Variants in COL11A1 observed in about 807,000 individuals in gnomAD.
COL11A1 encodes the protein collagen type XI alpha 1 chain, also known as collagen alpha-1(XI) chain.
In COL11A1, 74 loss-of-function variants were observed where a neutral mutation model predicts 265.2. The ratio of observed to expected loss-of-function variants is 0.28; its 90% confidence interval spans 0.23 to 0.34. The LOEUF is 0.34. COL11A1 is among the 10% of genes least tolerant of loss of function. The probability of loss-of-function intolerance (pLI) is 1.00; values close to 1 mark genes in which losing one functional copy is unlikely to be tolerated. For missense variants in COL11A1, 2,165 were observed against 2,263.6 expected (o/e 0.96, Z 0.88); for synonymous variants, 816 against 727.6 (o/e 1.12, Z -1.96).
chr1:103,082,880 A>G lies in COL11A1; in HGVS notation c.199T>C (p.Ser67Pro). Residue 67 changes from serine to proline, a missense_variant, in exon 2 of 67, where the codon TCT becomes CCT. Coordinates refer to ENST00000370096, the MANE Select transcript of COL11A1 (RefSeq NM_001854.4). Reference sequence around the variant, plus strand: ...CTGTAAGCAGTATCTGAGCCTTTAGAATTCTTTCTGTTTGTGCAAAATCCC... The same window carrying G: ...CTGTAAGCAGTATCTGAGCCTTTAGGATTCTTTCTGTTTGTGCAAAATCCC... ...TTGFCTNRKNSKGSDTAYRVS... is the reference protein window; with the variant it reads ...TTGFCTNRKNPKGSDTAYRVS... 6.2e-7 allele frequency: 1 copy of G among 1,613,712 alleles called. No homozygotes were observed. Among genetic ancestry groups the G allele is most frequent in the Non-Finnish European group, 8.5e-7 (1 of 1,179,734 alleles).
chr1:102,950,327 T>A (rs1659754327), intron 41 of COL11A1, among the ~76,000 whole-genome samples: 1 of 151,888 alleles, frequency 6.6e-6, no homozygotes, highest in Non-Finnish European at 1.5e-5. Context: ...TGTTTATAAG[T>A]TTATTTGTAA....
intron 4 of COL11A1, among the ~76,000 whole-genome samples, chr1:103,043,125 T>C (rs542828521): frequency 1.3e-3 from 185 of 146,342 alleles, no homozygotes; most frequent in South Asian, 2.5e-3. Flanking sequence ...AAATACATCA[T>C]ATATATGAAA....
chr1:102,974,014 T>C (rs996150293), intron 36 of COL11A1, among the ~76,000 whole-genome samples: 4 of 152,164 alleles, frequency 2.6e-5, no homozygotes, highest in African/African-American at 9.7e-5. Context: ...AAATATAGAC[T>C]TGGCCCCTGC....
chr1:102,898,270 C>A, intron 56 of COL11A1, 92 bp from the exon 57 acceptor site: 1 of 571,088 alleles, frequency 1.8e-6, no homozygotes, highest in Non-Finnish European at 2.5e-6. Flanking sequence ...AATAAGAAAA[C>A]AAAGGAAATA....
At chr1:103,099,348 C>A (rs1311489544) in intron 1 of COL11A1, among the ~76,000 whole-genome samples, 1 of 151,274 alleles carries the variant, frequency 6.6e-6, no homozygotes. Context: ...TTCCAATATA[C>A]ATAAAACATA....
At chr1:103,021,532 T>C (rs966065299) in intron 9 of COL11A1, among the ~76,000 whole-genome samples, 175 bp downstream of exon 9, 1 of 152,220 alleles carries the variant, frequency 6.6e-6, no homozygotes, top group Non-Finnish European at 1.5e-5. Flanking sequence ...TTTTGTTTTA[T>C]TGAAATTCTC....
At chr1:102,977,562 A>C (rs1200540407) in intron 35 of COL11A1, among the ~76,000 whole-genome samples, 3 of 152,160 alleles carry the variant, frequency 2.0e-5, no homozygotes, top group South Asian at 2.1e-4. Flanking sequence ...AACCAAATGC[A>C]TGAGAGAATC....
At chr1:103,096,970 G>T (rs1303844336) in intron 1 of COL11A1, among the ~76,000 whole-genome samples, 2 of 151,826 alleles carry the variant, frequency 1.3e-5, no homozygotes, top group African/African-American at 2.4e-5. Context: ...TATATATTTT[G>T]CAAGACTACA....
chr1:103,042,604 G>A (rs1315549256), intron 4 of COL11A1, among the ~76,000 whole-genome samples: 1 of 152,036 alleles, frequency 6.6e-6, no homozygotes, highest in Admixed American at 6.6e-5. Flanking sequence ...GAAAAAGGTT[G>A]GCATTGTTTA....
intron 66 of COL11A1, among the ~76,000 whole-genome samples, chr1:102,878,960 A>G (rs1482619920): frequency 6.6e-6 from 1 of 152,162 alleles, no homozygotes; most frequent in African/African-American, 2.4e-5. Context: ...TTTTATGAAT[A>G]TTTAACAATA....
chr1:103,023,046 TAA>T lies in COL11A1; in HGVS notation c.991-52_991-51del, dbSNP rs111390852. On this transcript the variant is annotated intron_variant, in intron 7 of 66. Transcript: ENST00000370096. Reference sequence around the variant, plus strand: ...TGAGGAACATGAAGTTTATTGTTAGTAAAGCAAGGTAAGCATTTAAATTACAA... The same window carrying T: ...TGAGGAACATGAAGTTTATTGTTAGTAGCAAGGTAAGCATTTAAATTACAA... 37,584 of 1,576,048 alleles carry T rather than the reference TAA, an allele frequency of 0.024. 753 individuals are homozygous for T. Among genetic ancestry groups the T allele is most frequent in the African/African-American group, 0.1 (7,434 of 74,348 alleles).
chr1:102,975,568 C>T (rs971335376), intron 35 of COL11A1, among the ~76,000 whole-genome samples: 3 of 151,978 alleles, frequency 2.0e-5, no homozygotes, highest in East Asian at 1.9e-4. Flanking sequence ...CTATATTATT[C>T]ATCTCTCAAA....
At chr1:102,904,544 C>A (rs1248830286) in intron 54 of COL11A1, among the ~76,000 whole-genome samples, 2 of 151,770 alleles carry the variant, frequency 1.3e-5, no homozygotes, top group Non-Finnish European at 2.9e-5. Flanking sequence ...AACAAACAAC[C>A]CCATCAAAAA....
chr1:103,050,790 C>A (rs1053543126), intron 4 of COL11A1, among the ~76,000 whole-genome samples: 8 of 152,138 alleles, frequency 5.3e-5, no homozygotes, highest in Non-Finnish European at 2.9e-5. Flanking sequence ...GTGTGGATGT[C>A]CTTCCTGTTT....
rs1654762457 is a variant in COL11A1, at chr1:102,912,170, G to C, written c.4075C>G (p.Pro1359Ala). The part of the protein sequence containing the change: ...PSGEAGPPGP[P>A]GKRGPPGAAG... The stretch of plus-strand genomic sequence containing the variant: ...TTAAAGAAACTTACTCGTTTTCCAG[G>C]AGGACCTGGTGGGCCAGCCTCACCA... Residue 1359 changes from proline to alanine, a missense_variant, in exon 54 of 67, where the codon CCT becomes GCT. Transcript: ENST00000370096. 1.9e-6 allele frequency: 3 copies of C among 1,611,112 alleles called. No homozygotes were observed. The South Asian group carries it at 3.3e-5, about 18-fold the overall frequency.
intron 3 of COL11A1, among the ~76,000 whole-genome samples, chr1:103,078,134 C>T (rs2102299691): frequency 6.6e-6 from 1 of 152,128 alleles, no homozygotes; most frequent in East Asian, 1.9e-4. Flanking sequence ...TGCTTACGAC[C>T]TCCTACAATG....
At chr1:103,079,309 G>T (rs1672220715) in intron 2 of COL11A1, among the ~76,000 whole-genome samples, 1 of 152,032 alleles carries the variant, frequency 6.6e-6, no homozygotes, top group Admixed American at 6.6e-5. Flanking sequence ...TCTTTCTGTT[G>T]TTTCTTTAAA....
rs557003706 is a variant in COL11A1, at chr1:103,073,802, G to A, written c.651+816C>T. The stretch of plus-strand genomic sequence containing the variant: ...TGTCTGTATGTTTGTATATATATAT[G>A]TGTGTGTACACATCTGTGTATGTAT... On this transcript the variant is annotated intron_variant, in intron 4 of 66. Transcript: ENST00000370096. Among the ~76,000 whole-genome samples the A allele has an allele frequency of 2.6e-5, 4 of 151,952 alleles. No homozygotes were observed. In the South Asian group the frequency reaches 6.2e-4, roughly 24 times the overall value.
chr1:103,019,843 G>T (rs894310488), intron 9 of COL11A1, among the ~76,000 whole-genome samples: 8 of 149,804 alleles, frequency 5.3e-5, no homozygotes, highest in Non-Finnish European at 4.4e-5. Flanking sequence ...GCAGTGTTTG[G>T]TTTTTTGTTC....
Sources: gnomAD v4.1 joint callset for allele counts (sites outside exome capture counted in the v4.1 genomes callset) on GRCh38, gnomAD v4.1.1 for gene constraint, MANE v1.5 for transcripts, NCBI Gene and HGNC (gene_info 2026-07-23, HGNC 2026-07-21) for gene names.